Variants in SCFD2 observed in about 807,000 individuals in gnomAD.
SCFD2 encodes the protein sec1 family domain containing 2, also known as sec1 family domain-containing protein 2.
A neutral mutation model predicts 58.9 loss-of-function variants in SCFD2; 54 were observed. The ratio of observed to expected loss-of-function variants is 0.92; its 90% CI spans 0.74 to 1.15. SCFD2 has a LOEUF of 1.15. Among genes scored for constraint, SCFD2 ranks in the 50% most tolerant of loss-of-function variants. The pLI, the probability that SCFD2 is intolerant of heterozygous loss-of-function variation, is 0.00. For missense variants in SCFD2, 805 were observed against 836.6 expected, an observed-to-expected ratio of 0.96 and a Z score of 0.47; for synonymous variants, 321 against 335.9, an observed-to-expected ratio of 0.96 and a Z score of 0.49.
intron 4 of SCFD2, among the ~76,000 whole-genome samples, chr4:53,213,407 G>A (rs1337338468): frequency 6.6e-6 from 1 of 152,018 alleles, no homozygotes; most frequent in Non-Finnish European, 1.5e-5. Context: ...TCTCATCAGG[G>A]ACCTGACCTT....
intron 3 of SCFD2, among the ~76,000 whole-genome samples, chr4:53,283,496 G>T (rs1469245075): frequency 6.6e-6 from 1 of 152,132 alleles, no homozygotes; most frequent in Non-Finnish European, 1.5e-5. Flanking sequence ...TATTGGATGG[G>T]TGAGTACTAG....
intron 5 of SCFD2, among the ~76,000 whole-genome samples, chr4:53,041,272 C>T (rs1158012018): frequency 1.3e-5 from 2 of 152,106 alleles, no homozygotes; most frequent in South Asian, 2.1e-4. Context: ...GTTATGGATG[C>T]TTGATACAGT....
intron 5 of SCFD2, among the ~76,000 whole-genome samples, chr4:52,977,146 G>T (rs1403831097): frequency 6.6e-6 from 1 of 152,138 alleles, no homozygotes; most frequent in African/African-American, 2.4e-5. Flanking sequence ...CGGGAGAGTT[G>T]ACTCCTTGTA....
intron 5 of SCFD2, among the ~76,000 whole-genome samples, chr4:53,120,332 G>A (rs573249388): frequency 3.3e-5 from 5 of 152,202 alleles, no homozygotes; most frequent in East Asian, 1.9e-4. Context: ...TGTTTAAGGC[G>A]TTGTTCTAAC....
chr4:53,072,417 G>C (rs1723843968), intron 5 of SCFD2, among the ~76,000 whole-genome samples: 1 of 152,104 alleles, frequency 6.6e-6, no homozygotes, highest in Non-Finnish European at 1.5e-5. Flanking sequence ...TTGCACAGGT[G>C]AAGGTTAGCA....
At chr4:52,875,295 CT>C (rs968407327) in intron 8 of SCFD2, among the ~76,000 whole-genome samples, 16 of 152,278 alleles carry the variant, frequency 1.1e-4, no homozygotes, top group African/African-American at 3.9e-4. Context: ...ACAGATTTAT[CT>C]CTGCAAAGGT....
rs191498276 is a variant in SCFD2, at chr4:53,176,077, C to T, written c.1312-30495G>A. 3.7e-3 allele frequency among the ~76,000 whole-genome samples: 561 copies of T among 152,220 alleles called. 3 individuals carry two copies. Among genetic ancestry groups the T allele is most frequent in the Non-Finnish European group, 4.7e-3 (317 of 68,020 alleles). ...TTTACTTTATTTTACAAAACAGTCTCATTCAATTGAGAAAGTGTTCTCAAT... is the reference window on the plus strand; with the variant it reads ...TTTACTTTATTTTACAAAACAGTCTTATTCAATTGAGAAAGTGTTCTCAAT... On this transcript the variant is annotated intron_variant, in intron 4 of 8. Coordinates refer to ENST00000401642, the MANE Select transcript of SCFD2 (RefSeq NM_152540.4).
At chr4:53,085,629 A>G (rs977691307) in intron 5 of SCFD2, among the ~76,000 whole-genome samples, 3 of 152,202 alleles carry the variant, frequency 2.0e-5, no homozygotes, top group Admixed American at 6.5e-5. Context: ...ATCTGACTTC[A>G]AATTATATTG....
chr4:53,224,319 G>A (rs1448692556), intron 4 of SCFD2, among the ~76,000 whole-genome samples: 1 of 150,286 alleles, frequency 6.7e-6, no homozygotes, highest in Non-Finnish European at 1.5e-5. Context: ...AACCTGGGAG[G>A]CAGAGGTTGC....
intron 3 of SCFD2, among the ~76,000 whole-genome samples, chr4:53,284,950 A>G (rs540430602): frequency 1.3e-5 from 2 of 152,382 alleles, no homozygotes; most frequent in East Asian, 3.8e-4. Context: ...GTTTCTGGTT[A>G]CACAATTTTT....
chr4:52,887,896 C>CTTTTTTTTTTTTTTTT, intron 7 of SCFD2, among the ~76,000 whole-genome samples: 1 of 81,646 alleles, frequency 1.2e-5, no homozygotes, highest in Non-Finnish European at 2.2e-5. Context: ...ACATCTTATT[C>CTTTTTTTTTTTTTTTT]TTTTTTTTTT....
intron 2 of SCFD2, among the ~76,000 whole-genome samples, chr4:53,319,971 C>G (rs2149118261): frequency 6.6e-6 from 1 of 152,328 alleles, no homozygotes; most frequent in Non-Finnish European, 1.5e-5. Flanking sequence ...GCTTCTGTAA[C>G]TTGGTTAGTC....
intron 5 of SCFD2, among the ~76,000 whole-genome samples, chr4:53,050,134 T>C (rs1286219377): frequency 6.6e-6 from 1 of 152,224 alleles, no homozygotes; most frequent in Non-Finnish European, 1.5e-5. Flanking sequence ...AATTCTATGT[T>C]TAATGTTGTT....
chr4:53,067,011 T>C (rs1723681762), intron 5 of SCFD2, among the ~76,000 whole-genome samples: 1 of 152,088 alleles, frequency 6.6e-6, no homozygotes, highest in African/African-American at 2.4e-5. Flanking sequence ...TGCTTGTTTA[T>C]GGAGAGATGA....
intron 5 of SCFD2, among the ~76,000 whole-genome samples, chr4:53,097,842 G>A (rs1287170717): frequency 1.3e-5 from 2 of 152,142 alleles, no homozygotes; most frequent in Admixed American, 1.3e-4. Context: ...GTATGATATT[G>A]GCTGTGGGTT....
At chr4:52,946,079 T>A (rs1410627340) in intron 5 of SCFD2, among the ~76,000 whole-genome samples, 1 of 152,170 alleles carries the variant, frequency 6.6e-6, no homozygotes, top group Non-Finnish European at 1.5e-5. Flanking sequence ...AATAGGTTAT[T>A]TGCAAAAAAT....
intron 2 of SCFD2, among the ~76,000 whole-genome samples, chr4:53,330,770 T>C (rs1463667845): frequency 1.3e-5 from 2 of 151,986 alleles, no homozygotes; most frequent in Non-Finnish European, 2.9e-5. Flanking sequence ...GTAAATGGAC[T>C]AAATGCTCCA....
At chr4:53,224,947 C>T (rs1461105063) in intron 4 of SCFD2, among the ~76,000 whole-genome samples, 1 of 152,096 alleles carries the variant, frequency 6.6e-6, no homozygotes, top group South Asian at 2.1e-4. Context: ...ATTAACATTA[C>T]ATGAATAACA....
chr4:53,069,102 G>C lies in SCFD2; in HGVS notation c.1561+76231C>G, dbSNP rs188851859. ...CAGTATGCACAGAGAGGCATAGAAAGTGGCTTTATTTTTAAGGCTCAGATT... is the reference window on the plus strand; with the variant it reads ...CAGTATGCACAGAGAGGCATAGAAACTGGCTTTATTTTTAAGGCTCAGATT... On this transcript the variant is annotated intron_variant, in intron 5 of 8. Coordinates refer to ENST00000401642, the MANE Select transcript of SCFD2 (RefSeq NM_152540.4). Among the ~76,000 whole-genome samples, 10 of 152,182 alleles carry C rather than the reference G, an allele frequency of 6.6e-5. No individual in the cohort carries two copies. The East Asian group carries it at 1.7e-3, about 26-fold the overall frequency.
Sources: gnomAD v4.1 joint callset for allele counts (sites outside exome capture counted in the v4.1 genomes callset) on GRCh38, gnomAD v4.1.1 for gene constraint, MANE v1.5 for transcripts, NCBI Gene and HGNC (gene_info 2026-07-23, HGNC 2026-07-21) for gene names.